LPAR1: variants seen among roughly 807,000 people sequenced by gnomAD.
The protein encoded by LPAR1 is lysophosphatidic acid receptor 1.
Under a neutral mutation model 23.8 loss-of-function variants are expected in LPAR1, and 5 were observed. The ratio of observed to expected loss-of-function variants is 0.21; its 90% CI spans 0.11 to 0.44. The LOEUF is 0.44. Ranked by LOEUF, LPAR1 falls within the 20% of genes least tolerant of loss-of-function variation. LPAR1 has a pLI of 0.99. For synonymous variants in LPAR1, 160 were observed against 164.7 expected, an observed-to-expected ratio of 0.97 and a Z score of 0.22; for missense variants, 311 against 482.8, an observed-to-expected ratio of 0.64 and a Z score of 3.33.
At position 110,875,336 on chromosome 9, in the gene LPAR1, AC is replaced by A; in HGVS notation, c.*84del. 1 of 1,217,890 alleles carries A rather than the reference AC, an allele frequency of 8.2e-7. No individual in the cohort carries two copies. Among genetic ancestry groups the A allele is most frequent in the Non-Finnish European group, 1.1e-6 (1 of 884,550 alleles). 75.4% of individuals were successfully genotyped at this position (1,217,890 alleles called of 1,614,324 possible). On this transcript the variant is annotated 3_prime_UTR_variant, in exon 6 of 6. Coordinates refer to ENST00000683809, the MANE Select transcript of LPAR1 (RefSeq NM_001351411.2). ...TGAGTTGACTTTTCTCCTCTCTCAC[AC>A]CCCACCTTGCCCTGGCAATTGGGTA...
intron 4 of LPAR1, among the ~76,000 whole-genome samples, chr9:110,956,461 G>A (rs1045952167): frequency 4.6e-5 from 7 of 151,354 alleles, no homozygotes; most frequent in South Asian, 2.1e-4. Context: ...AAAGATTAGG[G>A]CAAAACTAAA....
At chr9:110,919,293 A>G (rs2093442460) in intron 5 of LPAR1, among the ~76,000 whole-genome samples, 1 of 151,694 alleles carries the variant, frequency 6.6e-6, no homozygotes, top group Admixed American at 6.6e-5. Flanking sequence ...GCAAGTTGCC[A>G]TGAATTCTAC....
At chr9:111,017,553 G>C (rs1386068222) in intron 2 of LPAR1, among the ~76,000 whole-genome samples, 2 of 152,154 alleles carry the variant, frequency 1.3e-5, no homozygotes, top group Non-Finnish European at 2.9e-5. Flanking sequence ...GCTTATGCGG[G>C]TAAATATGCA....
At chr9:110,885,253 G>A (rs187773334) in intron 5 of LPAR1, among the ~76,000 whole-genome samples, 266 of 152,280 alleles carry the variant, frequency 1.7e-3, no homozygotes, top group Non-Finnish European at 3.4e-3. Context: ...CAAATGCAGT[G>A]GGTGGGGGGT....
At chr9:111,018,840 A>G (rs1446075067) in intron 2 of LPAR1, among the ~76,000 whole-genome samples, 1 of 152,232 alleles carries the variant, frequency 6.6e-6, no homozygotes, top group East Asian at 1.9e-4. Context: ...ATACTTTTTA[A>G]AACAGCAAGT....
At chr9:111,029,879 C>T (rs1199379639) in intron 2 of LPAR1, among the ~76,000 whole-genome samples, 1 of 151,542 alleles carries the variant, frequency 6.6e-6, no homozygotes, top group Non-Finnish European at 1.5e-5. Context: ...AGTGAAACCC[C>T]ATCTCTACCA....
At chr9:110,921,880 T>C (rs947656982) in intron 5 of LPAR1, among the ~76,000 whole-genome samples, 2 of 152,166 alleles carry the variant, frequency 1.3e-5, no homozygotes, top group African/African-American at 4.8e-5. Flanking sequence ...TCCCTGGAGT[T>C]GTGAACTGAA....
At chr9:110,939,782 G>T (rs1436972022) in intron 5 of LPAR1, among the ~76,000 whole-genome samples, 1 of 152,220 alleles carries the variant, frequency 6.6e-6, no homozygotes, top group East Asian at 1.9e-4. Context: ...GTCATTTGCT[G>T]CTGGCAATTC....
chr9:110,981,670 G>C (rs1159540085), intron 2 of LPAR1, among the ~76,000 whole-genome samples: 1 of 151,840 alleles, frequency 6.6e-6, no homozygotes, highest in Non-Finnish European at 1.5e-5. Flanking sequence ...AACCAAGTTG[G>C]TGCCATGGAA....
At chr9:110,899,777 A>G (rs899005993) in intron 5 of LPAR1, among the ~76,000 whole-genome samples, 1 of 152,194 alleles carries the variant, frequency 6.6e-6, no homozygotes, top group Non-Finnish European at 1.5e-5. Context: ...CTTTGAGTAC[A>G]TAAATTAACC....
rs1031824725 is a variant in LPAR1, at chr9:110,993,721, G to T, written c.-181-20163C>A. ...GAGCACACCTAACACTTACATCTTCGTCTCTTAATACCATTCTCTACAGAA... is the reference window on the plus strand; with the variant it reads ...GAGCACACCTAACACTTACATCTTCTTCTCTTAATACCATTCTCTACAGAA... On this transcript the variant is annotated intron_variant, in intron 2 of 5. Coordinates refer to ENST00000683809, the MANE Select transcript of LPAR1 (RefSeq NM_001351411.2). Among the ~76,000 whole-genome samples the T allele has an allele frequency of 4.6e-5, 7 of 152,140 alleles. No individual in the cohort carries two copies. The East Asian group carries it at 1.4e-3, about 29-fold the overall frequency.
upstream of LPAR1, chr9:111,038,840 G>C (rs1014378844): frequency 1.9e-5 from 6 of 322,904 alleles, no homozygotes; most frequent in African/African-American, 1.4e-4. This position sits in a 1 kb window ranked among gnomAD's most constrained non-coding sequence, Gnocchi z 4.4. Flanking sequence ...CCGCCAGCTC[G>C]GGTCCCACCC....
chr9:110,972,051 T>C (rs772779293), intron 4 of LPAR1, 22 bp downstream of exon 4: 7 of 1,608,278 alleles, frequency 4.4e-6, no homozygotes, highest in Non-Finnish European at 6.0e-6. Flanking sequence ...ACCTCAGACC[T>C]CTGCTAGTTT....
chr9:110,912,527 T>C (rs2092588821), intron 5 of LPAR1, among the ~76,000 whole-genome samples: 1 of 152,212 alleles, frequency 6.6e-6, no homozygotes, highest in African/African-American at 2.4e-5. Flanking sequence ...AAACACCAAA[T>C]GAGCTTCTCC....
intron 2 of LPAR1, among the ~76,000 whole-genome samples, chr9:111,021,492 C>T (rs190147535): frequency 6.6e-6 from 1 of 152,202 alleles, no homozygotes; most frequent in Admixed American, 6.5e-5. Flanking sequence ...CACCCTCATC[C>T]AATGGGTTTT....
At chr9:111,011,665 T>C (rs2140616582) in intron 2 of LPAR1, among the ~76,000 whole-genome samples, 1 of 152,284 alleles carries the variant, frequency 6.6e-6, no homozygotes, top group South Asian at 2.1e-4. Flanking sequence ...CGACAGCTGA[T>C]TTATTCTATC....
At chr9:111,026,100 T>C (rs954635884) in intron 2 of LPAR1, among the ~76,000 whole-genome samples, 1 of 152,190 alleles carries the variant, frequency 6.6e-6, no homozygotes, top group Non-Finnish European at 1.5e-5. Flanking sequence ...TAGCATTGAA[T>C]CTATAAACTA....
At chr9:110,922,755 T>C (rs2093714269) in intron 5 of LPAR1, among the ~76,000 whole-genome samples, 2 of 151,414 alleles carry the variant, frequency 1.3e-5, no homozygotes, top group Admixed American at 1.3e-4. Context: ...ATTAAAGTTG[T>C]CTAGGGAAGA....
chr9:110,964,275 C>T (rs186392081), intron 4 of LPAR1, among the ~76,000 whole-genome samples: 8 of 146,880 alleles, frequency 5.4e-5, no homozygotes, highest in African/African-American at 2.0e-4. Context: ...GTAAACTGAT[C>T]TAATCAATGT....
Sources: gnomAD v4.1 joint callset for allele counts (sites outside exome capture counted in the v4.1 genomes callset) on GRCh38, gnomAD v4.1.1 for gene constraint, Gnocchi (gnomAD v3.1) non-coding constraint, MANE v1.5 for transcripts, NCBI Gene and HGNC (gene_info 2026-07-23, HGNC 2026-07-21) for gene names.